Variants in MAPK13 observed in about 807,000 individuals in gnomAD.
The protein encoded by MAPK13 is mitogen-activated protein kinase 13.
MAPK13 carries 39 observed loss-of-function variants against 53.5 expected under a neutral mutation model. That is an observed-to-expected ratio of 0.73 (90% CI 0.56 to 0.95). The LOEUF (loss-of-function observed/expected upper bound fraction) is 0.95. MAPK13 is among the 40% of genes least tolerant of loss of function. The pLI is 0.00. For missense variants in MAPK13, 460 were observed against 471.8 expected (o/e 0.98, Z 0.23); for synonymous variants, 179 against 190.9 (o/e 0.94, Z 0.51).
At chr6:36,132,987 G>C (rs2127485915) in intron 3 of MAPK13, among the ~76,000 whole-genome samples, 1 of 152,362 alleles carries the variant, frequency 6.6e-6, no homozygotes, top group East Asian at 1.9e-4. Flanking sequence ...CACAGGGTTA[G>C]CACCAACTCA....
intron 9 of MAPK13, 116 bp from the exon 10 acceptor site, chr6:36,138,586 A>G (rs780176535): frequency 3.9e-6 from 5 of 1,283,130 alleles, no homozygotes; most frequent in Non-Finnish European, 4.5e-6. Flanking sequence ...TCTTGTCTTA[A>G]TCTCACCGTG....
Position 36,130,987 on chromosome 6 carries a change from G to A in MAPK13, c.120-284G>A. ...TCACTGTTACAGACGAGTACACCGA[G>A]GCCCCAAGAGGGGGAGGTGGCTCGC... is the stretch of plus-strand genomic sequence containing the variant. On this transcript the variant is annotated intron_variant, in intron 1 of 11. Coordinates refer to ENST00000211287, the MANE Select transcript of MAPK13 (RefSeq NM_002754.5). The surrounding 1 kb of genome is among the most constrained non-coding windows in gnomAD (Gnocchi z 4.5). The A allele has an allele frequency of 1.9e-6, 1 of 526,874 alleles. No individual in the cohort carries two copies. The allele number at this position is 526,874 out of a possible 1,614,324, so 32.6% of individuals were successfully genotyped here. A position where few individuals can be genotyped will look rare whatever the true frequency, so the allele number is the denominator to read the frequency against.
intron 3 of MAPK13, among the ~76,000 whole-genome samples, chr6:36,134,020 C>T (rs916704891): frequency 2.6e-5 from 4 of 152,124 alleles, no homozygotes; most frequent in Admixed American, 1.3e-4. Context: ...CAGGTTAACT[C>T]AGGACTGGGA....
intron 3 of MAPK13, among the ~76,000 whole-genome samples, chr6:36,133,288 C>T (rs1766354043): frequency 6.6e-6 from 1 of 152,124 alleles, no homozygotes; most frequent in Non-Finnish European, 1.5e-5. Context: ...GGACTTTGAG[C>T]CGGGAGGTGA....
Position 36,130,647 on chromosome 6 carries a change from C to G in MAPK13, c.65C>G (p.Pro22Arg). ...QDVNKTAWELPKTYVSPTHVG... is the reference protein window; with the variant it reads ...QDVNKTAWELRKTYVSPTHVG... ...GTCAACAAGACAGCCTGGGAGCTGC[C>G]CAAGACCTACGTGTCCCCGACGCAC... Residue 22 changes from proline (P) to arginine (R), a missense_variant, in exon 1 of 12, where the codon CCC (proline) becomes CGC (arginine). Coordinates refer to ENST00000211287, the MANE Select transcript of MAPK13 (RefSeq NM_002754.5). This position sits in a 1 kb window ranked among gnomAD's most constrained non-coding sequence, Gnocchi z 4.5. The G allele has an allele frequency of 1.3e-6, 2 of 1,587,052 alleles. No individual in the cohort carries two copies. The highest frequency in any genetic ancestry group is 1.7e-6 in the Non-Finnish European group (2 of 1,168,984).
chr6:36,136,735 A>G lies in MAPK13; in HGVS notation c.575A>G (p.Glu192Gly), dbSNP rs763710785. 1 of 1,614,046 alleles carries G rather than the reference A, an allele frequency of 6.2e-7. No homozygotes were observed. The highest frequency in any genetic ancestry group is 1.7e-5 in the Admixed American group (1 of 60,004). ...GTGACCCGCTGGTACCGAGCCCCCG[A>G]GGTGATCCTCAGCTGGATGCACTAC... Reference protein sequence around the residue: ...YVVTRWYRAPEVILSWMHYNQ... With the variant: ...YVVTRWYRAPGVILSWMHYNQ... The change falls in exon 7 of 12, where the codon GAG becomes GGG. Residue 192 changes from glutamate to glycine, a missense_variant. Physicochemically the swap from Glu to Gly is moderately conservative, Grantham distance 98. Transcript: ENST00000211287.
At position 36,131,402 on chromosome 6, in the gene MAPK13, T is replaced by A; in HGVS notation, c.249+2T>A. On this transcript the variant is annotated splice_donor_variant, in intron 2 of 11. Coordinates refer to ENST00000211287, the MANE Select transcript of MAPK13 (RefSeq NM_002754.5). LOFTEE classifies it high-confidence loss of function. ...CTGAAGCACATGCAGCATGAGAACG[T>A]AGGTGGTGGCTGCCCCGGGGAGGGG... is the stretch of plus-strand genomic sequence containing the variant. 1 of 1,611,102 alleles carries A rather than the reference T, an allele frequency of 6.2e-7. No individual in the cohort carries two copies. Among genetic ancestry groups the A allele is most frequent in the Non-Finnish European group, 8.5e-7 (1 of 1,178,370 alleles).
chr6:36,139,474 G>T lies in MAPK13; in HGVS notation c.*101G>T, dbSNP rs990416839. ...CTTGGAATACAGCCTTTCAAGCAGA[G>T]GACAGAAGGGTCCTTCTCCTTATGT... On this transcript the variant is annotated 3_prime_UTR_variant, in exon 12 of 12. Transcript: ENST00000211287. 7.7e-6 allele frequency: 7 copies of T among 910,098 alleles called. No individual in the cohort carries two copies. In the Admixed American group the frequency reaches 1.3e-4, roughly 17 times the overall value. The allele number at this position is 910,098 out of a possible 1,614,324, so 56.4% of individuals were successfully genotyped here.
Position 36,135,847 on chromosome 6 carries a change from C to T in MAPK13, c.403C>T (p.Leu135Phe), listed in dbSNP as rs779585719. 1.7e-5 allele frequency: 28 copies of T among 1,613,262 alleles called. No individual in the cohort carries two copies. The highest frequency in any genetic ancestry group is 3.3e-5 in the Admixed American group (2 of 59,986). The stretch of plus-strand genomic sequence containing the variant: ...GATCCAGTACCTGGTGTATCAGATG[C>T]TCAAAGGCCTTAAGGTGGGTGGGGA... ...EKIQYLVYQMLKGLKYIHSAG... is the reference protein window; with the variant it reads ...EKIQYLVYQMFKGLKYIHSAG... Residue 135 changes from leucine (L) to phenylalanine (F), a missense_variant, in exon 4 of 12, where the codon CTC becomes TTC. Transcript: ENST00000211287.
rs758029820 is a variant in MAPK13, at chr6:36,138,418, T to A, written c.736T>A (p.Phe246Ile). ...AGTGACCGGGGTGCCTGGCACGGAGTTTGTGCAGAAGCTGAACGACAAAGC... is the reference window on the plus strand; with the variant it reads ...AGTGACCGGGGTGCCTGGCACGGAGATTGTGCAGAAGCTGAACGACAAAGC... Reference protein sequence around the residue: ...LKVTGVPGTEFVQKLNDKAAK... With the variant: ...LKVTGVPGTEIVQKLNDKAAK... Residue 246 changes from phenylalanine (F) to isoleucine (I), a missense_variant, in exon 9 of 12, where the codon TTT (phenylalanine) becomes ATT (isoleucine). Physicochemically the swap from Phe to Ile is conservative, Grantham distance 21. Coordinates refer to ENST00000211287, the MANE Select transcript of MAPK13 (RefSeq NM_002754.5). 2 of 1,612,786 alleles carry A rather than the reference T, an allele frequency of 1.2e-6. No individual in the cohort carries two copies. Among genetic ancestry groups the A allele is most frequent in the Non-Finnish European group, 1.7e-6 (2 of 1,179,744 alleles).
rs148172768 is a variant in MAPK13, at chr6:36,133,039, C to A, written c.308+360C>A. On this transcript the variant is annotated intron_variant, in intron 3 of 11. Transcript: ENST00000211287. ...AGATGTGAGTCTGGACCTTGGAGCT[C>A]TTTCTAGCATGAAGCAAGGATTAAG... 8.4e-3 allele frequency among the ~76,000 whole-genome samples: 1,277 copies of A among 152,344 alleles called. 23 individuals are homozygous for A. Among genetic ancestry groups the A allele is most frequent in the African/African-American group, 0.027 (1,123 of 41,566 alleles).
intron 10 of MAPK13, 45 bp from the exon 11 acceptor site, chr6:36,138,834 G>GCT: frequency 6.2e-7 from 1 of 1,613,366 alleles, no homozygotes; most frequent in Non-Finnish European, 8.5e-7. Context: ...CAGAGGGCGG[G>GCT]CTCTCCCAGC....
intron 1 of MAPK13, 163 bp from the exon 2 acceptor site, chr6:36,131,108 C>A: frequency 1.4e-6 from 1 of 735,982 alleles, no homozygotes; most frequent in Non-Finnish European, 2.1e-6. Flanking sequence ...TCAGCTCCTG[C>A]CTGGCTTCCT....
At chr6:36,136,409 C>T (rs1440003230) in intron 5 of MAPK13, 75 bp from the exon 6 acceptor site, 1 of 1,330,220 alleles carries the variant, frequency 7.5e-7, no homozygotes, top group African/African-American at 1.5e-5. Flanking sequence ...GAGGTCACAC[C>T]CCTGGGTGGT....
In MAPK13 at chr6:36,130,716, C is replaced by A; in HGVS notation, c.119+15C>A. The A allele has an allele frequency of 2.8e-6, 2 of 717,774 alleles. No homozygotes were observed. The highest frequency in any genetic ancestry group is 1.6e-5 in the South Asian group (1 of 61,022). The allele number at this position is 717,774 out of a possible 1,614,324, so 44.5% of individuals were successfully genotyped here. A position where few individuals can be genotyped will look rare whatever the true frequency, so the allele number is the denominator to read the frequency against. ...GGCTCCGTGTGGTGAGACCCCTGGG[C>A]CGCTGGGGGGCGGGGGGCGGGCGCC... On this transcript the variant is annotated intron_variant, in intron 1 of 11. Coordinates refer to ENST00000211287, the MANE Select transcript of MAPK13 (RefSeq NM_002754.5). The surrounding 1 kb of genome is among the most constrained non-coding windows in gnomAD (Gnocchi z 4.5).
chr6:36,133,289 C>T (rs1024873072), intron 3 of MAPK13, among the ~76,000 whole-genome samples: 24 of 152,052 alleles, frequency 1.6e-4, no homozygotes, highest in Non-Finnish European at 2.8e-4. Context: ...GACTTTGAGC[C>T]GGGAGGTGAT....
At position 36,138,706 on chromosome 6, in the gene MAPK13, A is replaced by C. The variant is rs1766468708; in HGVS notation, c.767A>C (p.Lys256Thr). Residue 256 changes from lysine (K) to threonine (T), a missense_variant, in exon 10 of 12, where the codon AAA becomes ACA. Coordinates refer to ENST00000211287, the MANE Select transcript of MAPK13 (RefSeq NM_002754.5). Reference protein sequence around the residue: ...FVQKLNDKAAKSYIQSLPQTP... With the variant: ...FVQKLNDKAATSYIQSLPQTP... Reference sequence around the variant, plus strand: ...TGATGCTTTTCTGTCTTCCAGGCCAAATCCTACATCCAGTCCCTGCCACAG... The same window carrying C: ...TGATGCTTTTCTGTCTTCCAGGCCACATCCTACATCCAGTCCCTGCCACAG... 1 of 1,614,010 alleles carries C rather than the reference A, an allele frequency of 6.2e-7. No individual in the cohort carries two copies. Among genetic ancestry groups the C allele is most frequent in the Non-Finnish European group, 8.5e-7 (1 of 1,180,000 alleles).
intron 3 of MAPK13, among the ~76,000 whole-genome samples, chr6:36,133,180 T>C (rs1013436507): frequency 6.6e-6 from 1 of 152,188 alleles, no homozygotes; most frequent in African/African-American, 2.4e-5. Flanking sequence ...ACTGGACTAT[T>C]TGGACAAGAT....
intron 9 of MAPK13, 112 bp downstream of exon 9, chr6:36,138,556 C>T: frequency 1.6e-6 from 2 of 1,279,866 alleles, no homozygotes; most frequent in Admixed American, 1.9e-5. Flanking sequence ...CCCACAGCAT[C>T]CTCCTACCCT....
Sources: gnomAD v4.1 joint callset for allele counts (sites outside exome capture counted in the v4.1 genomes callset) on GRCh38, gnomAD v4.1.1 for gene constraint, Gnocchi (gnomAD v3.1) non-coding constraint, MANE v1.5 for transcripts, NCBI Gene and HGNC (gene_info 2026-07-23, HGNC 2026-07-21) for gene names.